The following CWH43 variants were observed in gnomAD, a reference collection of about 807,000 sequenced individuals.
The protein encoded by CWH43 is cell wall biogenesis 43 C-terminal homolog, also known as PGAP2-interacting protein.
A neutral mutation model predicts 85.7 loss-of-function variants in CWH43; 91 were observed. The ratio of observed to expected loss-of-function variants is 1.06; its 90% confidence interval spans 0.90 to 1.26. The LOEUF (loss-of-function observed/expected upper bound fraction) is 1.26. CWH43 is among the 50% of genes most tolerant of loss of function. The probability of loss-of-function intolerance (pLI) is 0.00; values close to 1 mark genes in which losing one functional copy is unlikely to be tolerated. For missense variants in CWH43, 869 were observed against 839.2 expected, an observed-to-expected ratio of 1.04 and a Z score of -0.44; for synonymous variants, 323 against 293.6, an observed-to-expected ratio of 1.10 and a Z score of -1.02.
At chr4:49,055,259 T>G (rs1177320054) in intron 15 of CWH43, among the ~76,000 whole-genome samples, 1 of 152,228 alleles carries the variant, frequency 6.6e-6, no homozygotes, top group Non-Finnish European at 1.5e-5. Context: ...TCTATTGAGA[T>G]GATCATATGA....
intron 7 of CWH43, among the ~76,000 whole-genome samples, chr4:49,006,916 C>T (rs554462089): frequency 5.9e-5 from 9 of 152,264 alleles, no homozygotes; most frequent in African/African-American, 1.7e-4. Flanking sequence ...GTCATGAACA[C>T]GTTCAGCAAC....
At chr4:48,995,148 T>G (rs1782772908) in intron 5 of CWH43, among the ~76,000 whole-genome samples, 1 of 152,170 alleles carries the variant, frequency 6.6e-6, no homozygotes, top group African/African-American at 2.4e-5. Flanking sequence ...AGGAGCAGCA[T>G]TCCCTGGCCA....
intron 8 of CWH43, chr4:49,016,834 G>A (rs1242411368): frequency 2.6e-6 from 2 of 779,420 alleles, no homozygotes; most frequent in African/African-American, 1.7e-5. Context: ...TGCTCAATCA[G>A]TTCATCTGAC....
chr4:49,009,314 C>T (rs1783273866), intron 8 of CWH43, among the ~76,000 whole-genome samples: 1 of 152,112 alleles, frequency 6.6e-6, no homozygotes, highest in Admixed American at 6.6e-5. Context: ...GGGATTTTTG[C>T]ACACTGATTT....
chr4:49,061,826 A>T lies in CWH43; in HGVS notation c.2036A>T (p.Lys679Ile), dbSNP rs1250425163. 2.9e-6 allele frequency: 4 copies of T among 1,393,542 alleles called. No individual in the cohort carries two copies. The highest frequency in any genetic ancestry group is 1.5e-5 in the African/African-American group (1 of 67,924). 86.3% of individuals were successfully genotyped at this position (1,393,542 alleles called of 1,614,324 possible). ...IHFNPRFGSY[K>I]EGHNYENNHH... ...TATTTTTTTAGATTTGGATCCTACA[A>T]AGAAGGACACAATTATGAAAACAAC... is the stretch of plus-strand genomic sequence containing the variant. The change falls in exon 16 of 16, where the codon AAA becomes ATA. Residue 679 changes from lysine to isoleucine, a missense_variant. By Grantham distance (102) the Lys-to-Ile change is moderately radical. Transcript: ENST00000226432.
At chr4:49,035,978 C>A (rs1318498186) in intron 12 of CWH43, among the ~76,000 whole-genome samples, 2 of 152,062 alleles carry the variant, frequency 1.3e-5, no homozygotes, top group African/African-American at 4.8e-5. Context: ...CTGGAGGGAC[C>A]CATGGAACAA....
chr4:49,038,185 C>T lies in CWH43; in HGVS notation c.1803+5C>T, dbSNP rs1560508263. ...ACTGAACATGGCAATGTGAAGGTAACATAATCTTAATAGGATTTCTAATTT... is the reference window on the plus strand; with the variant it reads ...ACTGAACATGGCAATGTGAAGGTAATATAATCTTAATAGGATTTCTAATTT... On this transcript the variant is annotated splice_donor_5th_base_variant and intron_variant, in intron 13 of 15. Transcript: ENST00000226432. The T allele has an allele frequency of 6.5e-7, 1 of 1,545,176 alleles. No individual in the cohort carries two copies. Among genetic ancestry groups the T allele is most frequent in the Non-Finnish European group, 8.7e-7 (1 of 1,145,782 alleles).
chr4:48,998,380 G>T, intron 5 of CWH43, 80 bp from the exon 6 acceptor site: 1 of 1,079,952 alleles, frequency 9.3e-7, no homozygotes, highest in Non-Finnish European at 1.4e-6. Context: ...CCCAGAGGTG[G>T]GAGGTATATT....
At chr4:48,995,449 T>G (rs1346301035) in intron 5 of CWH43, among the ~76,000 whole-genome samples, 1 of 152,182 alleles carries the variant, frequency 6.6e-6, no homozygotes, top group Non-Finnish European at 1.5e-5. Flanking sequence ...CCATCTCTTC[T>G]TGCAAAAAAA....
chr4:49,053,227 C>A (rs1784852424), intron 15 of CWH43, among the ~76,000 whole-genome samples: 1 of 152,074 alleles, frequency 6.6e-6, no homozygotes, highest in Non-Finnish European at 1.5e-5. Flanking sequence ...TATTTCTTGG[C>A]TATAGTGAAA....
intron 5 of CWH43, 140 bp downstream of exon 5, chr4:48,994,960 T>A: frequency 1.3e-6 from 1 of 770,694 alleles, no homozygotes. Context: ...GGCATGAAAT[T>A]ATTGTGTGCT....
rs1784770500 is a variant in CWH43, at chr4:49,050,862, A to G, written c.2021+13A>G. ...ATTTTAATCCCAGGTGAGTTCCTTT[A>G]TGCTGTAGTTCCAGTTATGAGCTAC... On this transcript the variant is annotated intron_variant, in intron 15 of 15. Coordinates refer to ENST00000226432, the MANE Select transcript of CWH43 (RefSeq NM_025087.3). 1.2e-6 allele frequency: 2 copies of G among 1,602,844 alleles called. No homozygotes were observed. Among genetic ancestry groups the G allele is most frequent in the Non-Finnish European group, 1.7e-6 (2 of 1,172,786 alleles).
intron 9 of CWH43, among the ~76,000 whole-genome samples, chr4:49,019,546 T>C (rs187434513): frequency 2.1e-4 from 32 of 152,156 alleles, no homozygotes; most frequent in African/African-American, 2.6e-4. Context: ...TTTATTTTCA[T>C]TTTATTATTA....
At chr4:49,010,275 T>C (rs565762622) in intron 8 of CWH43, among the ~76,000 whole-genome samples, 40 of 152,340 alleles carry the variant, frequency 2.6e-4, no homozygotes, top group African/African-American at 9.6e-4. Flanking sequence ...GAGGTGTTTA[T>C]AGTATTCTCT....
chr4:49,038,473 A>G (rs1784331780), intron 13 of CWH43, among the ~76,000 whole-genome samples: 1 of 152,192 alleles, frequency 6.6e-6, no homozygotes, highest in Non-Finnish European at 1.5e-5. Context: ...TATAGGTCGC[A>G]AGTTGTGCTT....
At chr4:49,040,141 A>C in intron 13 of CWH43, among the ~76,000 whole-genome samples, 1 of 152,118 alleles carries the variant, frequency 6.6e-6, no homozygotes, top group Non-Finnish European at 1.5e-5. Flanking sequence ...AATCCAGTCT[A>C]TCATTGTTGG....
chr4:49,019,190 G>T (rs1296993641), intron 9 of CWH43, among the ~76,000 whole-genome samples: 5 of 152,186 alleles, frequency 3.3e-5, no homozygotes, highest in African/African-American at 9.7e-5. Context: ...AGTATTTAGA[G>T]AACAAATAAA....
intron 6 of CWH43, among the ~76,000 whole-genome samples, chr4:49,000,066 A>C (rs13105007): frequency 0.013 from 1,914 of 152,230 alleles, 18 homozygotes; most frequent in Non-Finnish European, 0.019. Context: ...TAAAAAAAAA[A>C]CCACTTTATT....
chr4:49,014,035 A>G lies in CWH43; in HGVS notation c.1187-3214A>G, dbSNP rs113994828. 5.6e-3 allele frequency among the ~76,000 whole-genome samples: 858 copies of G among 152,322 alleles called. 12 individuals carry two copies. The highest frequency in any genetic ancestry group is 0.019 in the African/African-American group (793 of 41,570). ...TGGTGCTTTACAAAGGAGACAAAAT[A>G]TTATAGTGTAAAGATATAAAAAACA... On this transcript the variant is annotated intron_variant, in intron 8 of 15. Coordinates refer to ENST00000226432, the MANE Select transcript of CWH43 (RefSeq NM_025087.3).
Sources: allele counts gnomAD v4.1 joint callset (sites outside exome capture counted in the v4.1 genomes callset), GRCh38; gene constraint gnomAD v4.1.1; transcripts MANE v1.5; gene names NCBI Gene and HGNC (gene_info 2026-07-23, HGNC 2026-07-21).